DNM3: variants seen among roughly 807,000 people sequenced by gnomAD.
DNM3 encodes the protein dynamin-3.
In DNM3, 47 loss-of-function variants were observed where a neutral mutation model predicts 101.6. That is an observed-to-expected ratio of 0.46 (90% CI 0.37 to 0.59). DNM3 has a LOEUF of 0.59. DNM3 is among the 20% of genes least tolerant of loss of function. The probability of loss-of-function intolerance (pLI) is 0.00; values close to 1 mark genes in which losing one functional copy is unlikely to be tolerated. For missense variants in DNM3, 849 were observed against 1,085.7 expected, an observed-to-expected ratio of 0.78 and a Z score of 3.06; for synonymous variants, 385 against 387.9, an observed-to-expected ratio of 0.99 and a Z score of 0.09.
At chr1:171,997,108 G>A (rs2046050164) in intron 4 of DNM3, among the ~76,000 whole-genome samples, 1 of 151,828 alleles carries the variant, frequency 6.6e-6, no homozygotes, top group Non-Finnish European at 1.5e-5. Context: ...AATAATTAAA[G>A]GAAACTTTAC....
intron 14 of DNM3, among the ~76,000 whole-genome samples, chr1:172,203,444 A>G (rs1411216403): frequency 6.6e-6 from 1 of 152,192 alleles, no homozygotes; most frequent in African/African-American, 2.4e-5. Flanking sequence ...TATTAAGGGA[A>G]CAGCATTTTA....
chr1:172,210,719 A>G (rs536794589), intron 14 of DNM3, among the ~76,000 whole-genome samples: 71 of 152,176 alleles, frequency 4.7e-4, no homozygotes, highest in Non-Finnish European at 9.3e-4. Flanking sequence ...AAGGCAAAAT[A>G]TGTTCAAAAA....
At chr1:172,232,103 TA>T (rs2061360108) in intron 14 of DNM3, among the ~76,000 whole-genome samples, 1 of 152,024 alleles carries the variant, frequency 6.6e-6, no homozygotes, top group Non-Finnish European at 1.5e-5. Flanking sequence ...GCAAATTGGA[TA>T]AAGAGTCAAG....
intron 4 of DNM3, among the ~76,000 whole-genome samples, chr1:172,020,811 G>A (rs369178908): frequency 6.6e-6 from 1 of 151,640 alleles, no homozygotes; most frequent in East Asian, 1.9e-4. Context: ...AGCATAAGGG[G>A]ATTTTTCTCT....
At chr1:172,323,452 G>A in intron 17 of DNM3, 112 bp downstream of exon 17, 1 of 1,333,736 alleles carries the variant, frequency 7.5e-7, no homozygotes. Flanking sequence ...ATCTGTTACA[G>A]TGCACGAATT....
At chr1:172,099,831 A>C (rs1228291375) in intron 13 of DNM3, among the ~76,000 whole-genome samples, 1 of 152,192 alleles carries the variant, frequency 6.6e-6, no homozygotes, top group African/African-American at 2.4e-5. Flanking sequence ...GTGATAACTA[A>C]AAATATTTGT....
intron 14 of DNM3, among the ~76,000 whole-genome samples, chr1:172,135,492 T>C (rs1558624159): frequency 2.0e-5 from 3 of 150,656 alleles, no homozygotes; most frequent in Admixed American, 1.3e-4. Context: ...TAGTGTTTTT[T>C]TGTTTTTGTT....
chr1:172,257,275 C>T (rs966667276), intron 15 of DNM3, among the ~76,000 whole-genome samples: 4 of 152,018 alleles, frequency 2.6e-5, no homozygotes, highest in African/African-American at 7.2e-5. Context: ...GACAATTAAA[C>T]ATTTTAGATA....
intron 1 of DNM3, among the ~76,000 whole-genome samples, chr1:171,898,423 A>G (rs1318983410): frequency 6.6e-5 from 10 of 152,164 alleles, no homozygotes; most frequent in African/African-American, 2.4e-4. Flanking sequence ...TCTTCAGGAT[A>G]CAGATACAAG....
intron 14 of DNM3, among the ~76,000 whole-genome samples, chr1:172,155,795 GAAGA>G (rs756559375): frequency 2.6e-4 from 39 of 152,184 alleles, no homozygotes; most frequent in Non-Finnish European, 5.0e-4. Flanking sequence ...CAATTGTTAA[GAAGA>G]AAGATAGTGA....
At chr1:172,129,734 C>T (rs1326880665) in intron 13 of DNM3, among the ~76,000 whole-genome samples, 2 of 152,174 alleles carry the variant, frequency 1.3e-5, no homozygotes, top group Admixed American at 1.3e-4. Flanking sequence ...CCACCAGTTT[C>T]CTCCCATGAC....
intron 14 of DNM3, among the ~76,000 whole-genome samples, chr1:172,229,841 C>G (rs6686115): frequency 0.21 from 31,762 of 151,770 alleles, 3,292 homozygotes; most frequent in East Asian, 0.28. Flanking sequence ...GGAGAATGCT[C>G]CTTCTGTCAC....
intron 14 of DNM3, among the ~76,000 whole-genome samples, chr1:172,170,183 A>T (rs1230016749): frequency 6.6e-6 from 1 of 151,916 alleles, no homozygotes; most frequent in Non-Finnish European, 1.5e-5. Context: ...AAATTCATAT[A>T]CATTGAACTT....
At chr1:172,233,849 G>A (rs1184595391) in intron 14 of DNM3, among the ~76,000 whole-genome samples, 1 of 152,082 alleles carries the variant, frequency 6.6e-6, no homozygotes, top group Non-Finnish European at 1.5e-5. Context: ...AGCCCTTCAC[G>A]CTAAAAACTC....
chr1:171,919,886 C>T (rs2040019795), intron 1 of DNM3, among the ~76,000 whole-genome samples: 1 of 152,176 alleles, frequency 6.6e-6, no homozygotes, highest in Admixed American at 6.5e-5. Context: ...GGTGTCTACC[C>T]AGCATGAGTC....
intron 20 of DNM3, among the ~76,000 whole-genome samples, chr1:172,400,665 A>AATC (rs1438521749): frequency 1.4e-4 from 21 of 152,328 alleles, no homozygotes; most frequent in Non-Finnish European, 2.5e-4. Context: ...CTTAAAAGTT[A>AATC]ATCTCGGAAA....
chr1:172,071,086 C>CATGTATATATATATATATAT (rs1553362024), intron 11 of DNM3, among the ~76,000 whole-genome samples: 2 of 65,086 alleles, frequency 3.1e-5, no homozygotes, highest in African/African-American at 1.5e-4. Context: ...CAAGACCCTG[C>CATGTATATATATATATATAT]ATATATATAT....
chr1:171,923,877 C>T (rs1340167175), intron 2 of DNM3, among the ~76,000 whole-genome samples: 2 of 152,126 alleles, frequency 1.3e-5, no homozygotes, highest in Non-Finnish European at 2.9e-5. Flanking sequence ...TTTTTCCCAT[C>T]TTTATGTCCA....
intron 1 of DNM3, among the ~76,000 whole-genome samples, chr1:171,861,305 G>A (rs373774820): frequency 2.6e-5 from 4 of 152,136 alleles, no homozygotes; most frequent in South Asian, 4.2e-4. Context: ...AATGTTGAAA[G>A]CAAAACAAAA....
Sources: allele counts gnomAD v4.1 joint callset (sites outside exome capture counted in the v4.1 genomes callset), GRCh38; gene constraint gnomAD v4.1.1; transcripts MANE v1.5; gene names NCBI Gene and HGNC (gene_info 2026-07-23, HGNC 2026-07-21).